The following PSME3IP1 variants were observed in gnomAD, a reference collection of about 807,000 sequenced individuals.
PSME3IP1 encodes the protein PSME3-interacting protein.
In PSME3IP1, 13 loss-of-function variants were observed where a neutral mutation model predicts 34.1. The observed-to-expected ratio is 0.38, with a 90% CI of 0.25 to 0.61. The LOEUF (loss-of-function observed/expected upper bound fraction) is 0.61, where lower values mean the gene tolerates loss of function less well. Ranked by LOEUF, PSME3IP1 falls within the 20% of genes least tolerant of loss-of-function variation. The pLI is 0.60. For synonymous variants in PSME3IP1, 93 were observed against 114.3 expected (o/e 0.81, Z 1.19); for missense variants, 237 against 301.4 (o/e 0.79, Z 1.58).
intron 1 of PSME3IP1, among the ~76,000 whole-genome samples, chr16:57,182,500 C>G (rs1430278527): frequency 1.4e-5 from 2 of 141,188 alleles, no homozygotes; most frequent in Non-Finnish European, 3.0e-5. Flanking sequence ...ACTGCTTGAG[C>G]CTAGGAGTTC....
chr16:57,179,512 C>T (rs938331059), intron 1 of PSME3IP1, among the ~76,000 whole-genome samples: 8 of 152,108 alleles, frequency 5.3e-5, no homozygotes, highest in African/African-American at 1.7e-4. Context: ...TTTTAAAATA[C>T]AAAACTTACA....
rs1174191810 is a variant in PSME3IP1 at position 57,186,019 on chromosome 16, C to G, written c.-214G>C. On this transcript the variant is annotated 5_prime_UTR_variant, in exon 1 of 7. Coordinates refer to ENST00000309137, the MANE Select transcript of PSME3IP1 (RefSeq NM_024946.4). The stretch of plus-strand genomic sequence containing the variant: ...TATTTCTTTTGACCCTTCAGGGCTT[C>G]CTGTTCCTCACCGCCACAATAGAGT... 2 of 985,404 alleles carry G rather than the reference C, an allele frequency of 2.0e-6. No homozygotes were observed. Among genetic ancestry groups the G allele is most frequent in the Non-Finnish European group, 1.2e-6 (1 of 829,918 alleles). 61.0% of individuals were successfully genotyped at this position (985,404 alleles called of 1,614,324 possible). A position where few individuals can be genotyped will look rare whatever the true frequency, so the allele number is the denominator to read the frequency against.
intron 6 of PSME3IP1, among the ~76,000 whole-genome samples, chr16:57,163,415 T>G (rs1165818796): frequency 6.6e-6 from 1 of 152,340 alleles, no homozygotes; most frequent in Non-Finnish European, 1.5e-5. Flanking sequence ...GTTCAGAGTC[T>G]CAATCCCACA....
At chr16:57,166,836 C>T (rs2071934261) in intron 5 of PSME3IP1, among the ~76,000 whole-genome samples, 1 of 152,202 alleles carries the variant, frequency 6.6e-6, no homozygotes, top group African/African-American at 2.4e-5. Context: ...GCACAGGAAG[C>T]ACTTAACACA....
rs1166332398 is a variant in PSME3IP1 at position 57,154,389 on chromosome 16, G to A, written c.666C>T (p.Ser222=). The A allele has an allele frequency of 6.8e-6, 11 of 1,613,948 alleles. No homozygotes were observed. The highest frequency in any genetic ancestry group is 3.3e-5 in the South Asian group (3 of 91,066). ...CGCTGTCTGAGCTGGACTCGGAGTC[G>A]CTGCTCCCAGAGTAGGCACCCAGGC... ...LPGLGAYSGS[S]DSESSSDSEG... Residue 222 remains serine (S), a synonymous_variant, in exon 7 of 7, where the codon AGC becomes AGT. Transcript: ENST00000309137. This position sits in a 1 kb window ranked among gnomAD's most constrained non-coding sequence, Gnocchi z 4.0.
chr16:57,156,148 T>C (rs1428954802), intron 6 of PSME3IP1, among the ~76,000 whole-genome samples: 8 of 152,230 alleles, frequency 5.3e-5, no homozygotes, highest in Admixed American at 5.2e-4. Flanking sequence ...ATAGGCATTA[T>C]CCCCATTTTA....
intron 4 of PSME3IP1, 46 bp downstream of exon 4, chr16:57,172,205 G>A (rs1373060621): frequency 2.1e-5 from 33 of 1,604,170 alleles, no homozygotes; most frequent in Non-Finnish European, 2.5e-5. Context: ...AGATGCTGAT[G>A]AGAAAATGGA....
chr16:57,185,385 TG>T (rs2074082060), intron 1 of PSME3IP1, among the ~76,000 whole-genome samples: 1 of 152,240 alleles, frequency 6.6e-6, no homozygotes, highest in South Asian at 2.1e-4. Flanking sequence ...GCACAGCAAC[TG>T]GTACATGGCA....
chr16:57,166,464 C>T (rs2071883880), intron 5 of PSME3IP1, among the ~76,000 whole-genome samples: 2 of 152,216 alleles, frequency 1.3e-5, no homozygotes, highest in African/African-American at 4.8e-5. Context: ...TTTGCAGCAG[C>T]TATTCCCTCT....
chr16:57,167,326 T>A, intron 4 of PSME3IP1, 100 bp from the exon 5 acceptor site: 1 of 1,290,460 alleles, frequency 7.7e-7, no homozygotes, highest in Non-Finnish European at 1.1e-6. Context: ...CCTACTTATT[T>A]AAATAAATGC....
intron 4 of PSME3IP1, 89 bp downstream of exon 4, chr16:57,172,162 C>T: frequency 7.1e-7 from 1 of 1,416,536 alleles, no homozygotes; most frequent in Non-Finnish European, 9.8e-7. Flanking sequence ...AGGTAGAAAA[C>T]CCTCTTTCTG....
At chr16:57,177,307 G>A (rs536100030) in intron 1 of PSME3IP1, among the ~76,000 whole-genome samples, 5 of 150,048 alleles carry the variant, frequency 3.3e-5, no homozygotes, top group Non-Finnish European at 5.9e-5. Context: ...TCAGCCTCCC[G>A]AATAGCTGGG....
chr16:57,162,023 G>A (rs1322147946), intron 6 of PSME3IP1, among the ~76,000 whole-genome samples: 1 of 152,102 alleles, frequency 6.6e-6, no homozygotes, highest in Non-Finnish European at 1.5e-5. Flanking sequence ...TTCCGCCTCA[G>A]CCTCCTGAGG....
chr16:57,174,541 C>T lies in PSME3IP1; in HGVS notation c.-15-672G>A. The T allele has an allele frequency of 7.1e-6, 7 of 985,430 alleles. No individual in the cohort carries two copies. The South Asian group carries it at 3.3e-4, about 46-fold the overall frequency. 61.0% of individuals were successfully genotyped at this position (985,430 alleles called of 1,614,324 possible). ...ATCCCATCCTTTTCCCAGCTCTCAT[C>T]CTCCTTTATTTCTGTAACATCTGAC... On this transcript the variant is annotated intron_variant, in intron 1 of 6. Coordinates refer to ENST00000309137, the MANE Select transcript of PSME3IP1 (RefSeq NM_024946.4).
chr16:57,182,544 T>A, intron 1 of PSME3IP1, among the ~76,000 whole-genome samples: 1 of 133,182 alleles, frequency 7.5e-6, no homozygotes, highest in Non-Finnish European at 1.6e-5. Flanking sequence ...GAGATACCCA[T>A]TTCCCTTAAA....
At chr16:57,169,386 G>A (rs1401620701) in intron 4 of PSME3IP1, among the ~76,000 whole-genome samples, 1 of 152,188 alleles carries the variant, frequency 6.6e-6, no homozygotes, top group African/African-American at 2.4e-5. Flanking sequence ...CCTAGAAACA[G>A]TTCCTAACTT....
At chr16:57,184,575 C>G (rs2074000211) in intron 1 of PSME3IP1, among the ~76,000 whole-genome samples, 1 of 152,180 alleles carries the variant, frequency 6.6e-6, no homozygotes. Context: ...GTTGAAAATG[C>G]TTAATTTAGC....
intron 2 of PSME3IP1, 40 bp from the exon 3 acceptor site, chr16:57,172,914 GAGATA>G: frequency 8.2e-7 from 1 of 1,216,088 alleles, no homozygotes; most frequent in Non-Finnish European, 1.2e-6. Context: ...GGACGGGGAG[GAGATA>G]TACACTTCAG....
intron 1 of PSME3IP1, 56 bp downstream of exon 1, chr16:57,185,765 G>C: frequency 1.0e-6 from 1 of 985,460 alleles, no homozygotes; most frequent in Non-Finnish European, 1.2e-6. Context: ...CATCTCTTCC[G>C]TAAGGAAGCT....
Sources: allele counts gnomAD v4.1 joint callset (sites outside exome capture counted in the v4.1 genomes callset), GRCh38; gene constraint gnomAD v4.1.1; non-coding constraint Gnocchi (gnomAD v3.1); transcripts MANE v1.5; gene names NCBI Gene and HGNC (gene_info 2026-07-23, HGNC 2026-07-21).